CCDC187: variants seen among roughly 807,000 people sequenced by gnomAD.
CCDC187 encodes the protein coiled-coil domain-containing protein 187.
Under a neutral mutation model 38.0 loss-of-function variants are expected in CCDC187, and 32 were observed. That is an observed-to-expected ratio of 0.84 (90% CI 0.64 to 1.13). The LOEUF (loss-of-function observed/expected upper bound fraction) is 1.13. Among genes scored for constraint, CCDC187 ranks in the 50% most tolerant of loss-of-function variants. CCDC187 has a pLI of 0.00. For synonymous variants in CCDC187, 333 were observed against 347.9 expected (o/e 0.96, Z 0.48); for missense variants, 707 against 786.8 (o/e 0.90, Z 1.21).
intron 10 of CCDC187, among the ~76,000 whole-genome samples, chr9:136,280,587 G>C (rs898678276): frequency 6.6e-6 from 1 of 152,072 alleles, no homozygotes; most frequent in East Asian, 1.9e-4. Flanking sequence ...TGCCAGGTGT[G>C]GCTCCAGGGC....
At position 136,286,612 on chromosome 9, in the gene CCDC187, T is replaced by C; in HGVS notation, c.2306A>G (p.Asp769Gly). The change falls in exon 8 of 26, where the codon GAT (aspartate) becomes GGT (glycine). Residue 769 changes from aspartate to glycine, a missense_variant. Coordinates refer to ENST00000638797, the MANE Select transcript of CCDC187 (RefSeq NM_001378188.1). ...TGAAGCTGACAGCAGCACGGGGGCA[T>C]CCCGGCCATCTTGGGGGCCCCCCAT... The part of the protein sequence containing the change: ...PGMGGPQDGR[D>G]APVLLSASPS... 1 of 398,664 alleles carries C rather than the reference T, an allele frequency of 2.5e-6. No individual in the cohort carries two copies. The highest frequency in any genetic ancestry group is 4.4e-6 in the Non-Finnish European group (1 of 226,142). 24.7% of individuals were successfully genotyped at this position (398,664 alleles called of 1,614,324 possible). A position where few individuals can be genotyped will look rare whatever the true frequency, so the allele number is the denominator to read the frequency against.
rs1001151102 is a variant in CCDC187, at chr9:136,297,480, G to A, written c.832+234C>T. On this transcript the variant is annotated intron_variant, in intron 4 of 25. Transcript: ENST00000638797. ...TGTCTCAAGGGACACGCCCCTGCCC[G>A]GACAGGAACCACCTGCTGCTCCAGT... Among the ~76,000 whole-genome samples, 6 of 152,236 alleles carry A rather than the reference G, an allele frequency of 3.9e-5. No homozygotes were observed. The South Asian group carries it at 8.3e-4, about 21-fold the overall frequency.
rs1271723917 is a variant in CCDC187, at chr9:136,291,589, C to T, written c.1024G>A (p.Asp342Asn). The T allele has an allele frequency of 7.5e-6, 3 of 398,646 alleles. No individual in the cohort carries two copies. The highest frequency in any genetic ancestry group is 6.2e-5 in the African/African-American group (3 of 48,632). 24.7% of individuals were successfully genotyped at this position (398,646 alleles called of 1,614,324 possible). Reference protein sequence around the residue: ...KCSPVCAQLPDATSAYSDQQV... With the variant: ...KCSPVCAQLPNATSAYSDQQV... ...TGGTCACTGTAGGCGGAGGTGGCAT[C>T]GGGCAACTGGGCACAAACCGGTGAG... Residue 342 changes from aspartate (D) to asparagine (N), a missense_variant, in exon 6 of 26, where the codon GAT becomes AAT. By Grantham distance (23) the Asp-to-Asn change is conservative. Coordinates refer to ENST00000638797, the MANE Select transcript of CCDC187 (RefSeq NM_001378188.1).
chr9:136,250,584 A>G lies in CCDC187; in HGVS notation c.*3010T>C, dbSNP rs1830523140. On this transcript the variant is annotated 3_prime_UTR_variant, in exon 26 of 26. Coordinates refer to ENST00000638797, the MANE Select transcript of CCDC187 (RefSeq NM_001378188.1). ...AATCACAGACTAATTTGTTCAGAAG[A>G]CTAGAAGGGGATCAATGAGAAAGCT... 1 of 360,532 alleles carries G rather than the reference A, an allele frequency of 2.8e-6. No individual in the cohort carries two copies. Among genetic ancestry groups the G allele is most frequent in the African/African-American group, 2.1e-5 (1 of 46,906 alleles). 22.3% of individuals were successfully genotyped at this position (360,532 alleles called of 1,614,324 possible). A position where few individuals can be genotyped will look rare whatever the true frequency, so the allele number is the denominator to read the frequency against.
chr9:136,302,624 G>A (rs1010132879), intron 2 of CCDC187, among the ~76,000 whole-genome samples, 188 bp downstream of exon 2: 1 of 152,148 alleles, frequency 6.6e-6, no homozygotes, highest in African/African-American at 2.4e-5. Context: ...CGTCTCCAGG[G>A]AGGGATCCTC....
chr9:136,302,038 C>G (rs926694481), intron 2 of CCDC187, among the ~76,000 whole-genome samples: 1 of 151,810 alleles, frequency 6.6e-6, no homozygotes. Context: ...GGTGAAACCC[C>G]GTCTCTACTA....
intron 20 of CCDC187, 78 bp downstream of exon 20, chr9:136,260,041 A>G: frequency 2.1e-6 from 2 of 972,972 alleles, no homozygotes; most frequent in Non-Finnish European, 2.4e-6. Context: ...CCCTGGGCCT[A>G]ATGCCACCCC....
chr9:136,293,940 C>A (rs1831458082), intron 4 of CCDC187, among the ~76,000 whole-genome samples: 1 of 150,032 alleles, frequency 6.7e-6, no homozygotes, highest in Admixed American at 6.6e-5. Flanking sequence ...TCGTGCTCTC[C>A]CACACACACA....
chr9:136,283,629 G>C lies in CCDC187; in HGVS notation c.2927+1884C>G, dbSNP rs1009033787. On this transcript the variant is annotated intron_variant, in intron 9 of 25. Coordinates refer to ENST00000638797, the MANE Select transcript of CCDC187 (RefSeq NM_001378188.1). ...AGGGCACAGTCCAGTGCCCAGCCCT[G>C]ATGGGAATGTCTGGGTGCCATTGCC... 6.6e-5 allele frequency among the ~76,000 whole-genome samples: 10 copies of C among 152,358 alleles called. No homozygotes were observed. The South Asian group carries it at 2.1e-3, about 32-fold the overall frequency.
In CCDC187 at chr9:136,259,122, G is replaced by A. The variant is rs548677546; in HGVS notation, c.4297-121C>T. ...CAGACTGGGGTGGATGGGGACAGCC[G>A]GGGGCGGACAGGGACAGATGGGGAC... On this transcript the variant is annotated intron_variant, in intron 21 of 25. Transcript: ENST00000638797. 4.8e-5 allele frequency: 39 copies of A among 806,506 alleles called. 1 individual carries two copies. The South Asian group carries it at 1.4e-3, about 28-fold the overall frequency. 50.0% of individuals were successfully genotyped at this position (806,506 alleles called of 1,614,324 possible).
Position 136,254,497 on chromosome 9 carries a change from G to C in CCDC187, c.5331C>G (p.Ala1777=), listed in dbSNP as rs371482816. 7.1e-6 allele frequency: 7 copies of C among 985,338 alleles called. No homozygotes were observed. The African/African-American group carries it at 1.0e-4, about 15-fold the overall frequency. 61.0% of individuals were successfully genotyped at this position (985,338 alleles called of 1,614,324 possible). ...EEDLPEPCTG[A]KPASGSSLPA... ...GCAGGGAGCTCCCCGAGGCTGGCTT[G>C]GCCCCGGTACAGGGTTCTGGCAGGT... Residue 1777 remains alanine, a synonymous_variant, in exon 26 of 26, where the codon GCC becomes GCG. Transcript: ENST00000638797.
In CCDC187 at chr9:136,267,379, C is replaced by T. The variant is rs1369725186; in HGVS notation, c.3647+5G>A. On this transcript the variant is annotated splice_donor_5th_base_variant and intron_variant, in intron 16 of 25. Transcript: ENST00000638797. Reference sequence around the variant, plus strand: ...GCGGGGCCGGCGCCAGGCGCATGCGCTCACCCTCGTCGATGCTCCAGCCAG... The same window carrying T: ...GCGGGGCCGGCGCCAGGCGCATGCGTTCACCCTCGTCGATGCTCCAGCCAG... 2.0e-6 allele frequency: 2 copies of T among 985,484 alleles called. No homozygotes were observed. Among genetic ancestry groups the T allele is most frequent in the South Asian group, 4.7e-5 (1 of 21,298 alleles). The allele number at this position is 985,484 out of a possible 1,614,324, so 61.0% of individuals were successfully genotyped here. A position where few individuals can be genotyped will look rare whatever the true frequency, so the allele number is the denominator to read the frequency against.
rs1197241996 is a variant in CCDC187 at position 136,284,030 on chromosome 9, G to A, written c.2927+1483C>T. ...GCACCAAGCCCGCCATCCCCTGAGG[G>A]CAAAGGGGGCTTCAGGAGAGGAAGC... On this transcript the variant is annotated intron_variant, in intron 9 of 25. Coordinates refer to ENST00000638797, the MANE Select transcript of CCDC187 (RefSeq NM_001378188.1). 5.9e-5 allele frequency among the ~76,000 whole-genome samples: 9 copies of A among 152,300 alleles called. No homozygotes were observed. In the South Asian group the frequency reaches 1.2e-3, roughly 21 times the overall value.
At chr9:136,292,891 C>T (rs1024960126) in intron 4 of CCDC187, among the ~76,000 whole-genome samples, 1 of 152,220 alleles carries the variant, frequency 6.6e-6, no homozygotes, top group Non-Finnish European at 1.5e-5. Flanking sequence ...CTGCAGCAAA[C>T]GGCCCCACGT....
At chr9:136,271,847 T>C (rs1316771074) in intron 14 of CCDC187, among the ~76,000 whole-genome samples, 1 of 152,100 alleles carries the variant, frequency 6.6e-6, no homozygotes, top group Non-Finnish European at 1.5e-5. Context: ...GACCTCGTGA[T>C]CCACCTGCCT....
chr9:136,285,448 T>TGGGCAGGC (rs1278473958), intron 9 of CCDC187, 65 bp downstream of exon 9: 7,776 of 44,198 alleles, frequency 0.18, 135 homozygotes, highest in Middle Eastern at 0.26. Context: ...GGTGGGCAGG[T>TGGGCAGGC]GGGCAGGTGG....
rs1271956744 is a variant in CCDC187, at chr9:136,293,119, TCA to T, written c.833-826_833-825del. ...ACAAACACTCACATTGCTCACACACTCACAAACACTCACATGCTCACACACTC... is the reference window on the plus strand; with the variant it reads ...ACAAACACTCACATTGCTCACACACTCAAACACTCACATGCTCACACACTC... On this transcript the variant is annotated intron_variant, in intron 4 of 25. Transcript: ENST00000638797. 1.8e-3 allele frequency among the ~76,000 whole-genome samples: 259 copies of T among 143,888 alleles called. 1 individual carries two copies. Among genetic ancestry groups the T allele is most frequent in the African/African-American group, 6.6e-3 (232 of 35,330 alleles). 94.4% of individuals were successfully genotyped at this position (143,888 alleles called of 152,430 possible).
At chr9:136,306,066 T>C (rs1831800163), upstream of CCDC187, among the ~76,000 whole-genome samples, 1 of 152,086 alleles carries the variant, frequency 6.6e-6, no homozygotes, top group Admixed American at 6.5e-5. Context: ...CCTGCTGGGG[T>C]ACGAGGCTCG....
chr9:136,289,686 C>T (rs1218056166), intron 7 of CCDC187, among the ~76,000 whole-genome samples: 10 of 152,268 alleles, frequency 6.6e-5, no homozygotes, highest in Admixed American at 2.0e-4. Flanking sequence ...GCACAGCACA[C>T]GGGGAAGGTG....
Sources: allele counts gnomAD v4.1 joint callset (sites outside exome capture counted in the v4.1 genomes callset), GRCh38; gene constraint gnomAD v4.1.1; transcripts MANE v1.5; gene names NCBI Gene and HGNC (gene_info 2026-07-23, HGNC 2026-07-21).